ROR1: variants seen among roughly 807,000 people sequenced by gnomAD.
ROR1 encodes the protein ROR family WNT receptor 1.
ROR1 carries 19 observed loss-of-function variants against 78.8 expected under a neutral mutation model. The observed-to-expected ratio is 0.24, with a 90% CI of 0.17 to 0.35. ROR1 has a LOEUF of 0.35. ROR1 is among the 10% of genes least tolerant of loss of function. The pLI is 1.00. For missense variants in ROR1, 917 were observed against 1,177.8 expected (o/e 0.78, Z 3.24); for synonymous variants, 386 against 433.6 (o/e 0.89, Z 1.36).
intron 7 of ROR1, chr1:64,142,920 A>T: frequency 7.8e-7 from 1 of 1,285,122 alleles, no homozygotes; most frequent in South Asian, 1.9e-5. Context: ...GGCACAGTTG[A>T]GACAGTTTAT....
At chr1:63,880,899 G>A (rs1276397978) in intron 1 of ROR1, among the ~76,000 whole-genome samples, 1 of 152,072 alleles carries the variant, frequency 6.6e-6, no homozygotes, top group Non-Finnish European at 1.5e-5. Context: ...TATAGCACTA[G>A]GAATTCTTTA....
intron 4 of ROR1, among the ~76,000 whole-genome samples, chr1:64,072,969 A>G (rs955731698): frequency 2.1e-4 from 32 of 152,290 alleles, no homozygotes; most frequent in South Asian, 8.3e-4. Flanking sequence ...AGTTGTGATG[A>G]AAAAACAAGA....
intron 4 of ROR1, among the ~76,000 whole-genome samples, chr1:64,131,802 T>TTGGGAGGATTGCTTGAGGCCTGG (rs1648921397): frequency 6.6e-6 from 1 of 152,108 alleles, no homozygotes; most frequent in Non-Finnish European, 1.5e-5. Context: ...TTTAATTTTG[T>TTGGGAGGATTGCTTGAGGCCTGG]AGACACAGAG....
intron 4 of ROR1, among the ~76,000 whole-genome samples, chr1:64,117,167 G>A (rs969936878): frequency 6.6e-5 from 10 of 152,158 alleles, no homozygotes; most frequent in African/African-American, 2.2e-4. Context: ...GTTCAACTCA[G>A]AGGAAACTTA....
At chr1:64,032,848 TAAAC>T (rs1417308839) in intron 2 of ROR1, among the ~76,000 whole-genome samples, 1 of 152,136 alleles carries the variant, frequency 6.6e-6, no homozygotes, top group Non-Finnish European at 1.5e-5. Flanking sequence ...GGTAAGAAAA[TAAAC>T]AAGAGACTTT....
intron 7 of ROR1, among the ~76,000 whole-genome samples, chr1:64,152,788 A>T (rs983083695): frequency 1.3e-5 from 2 of 152,214 alleles, no homozygotes; most frequent in Non-Finnish European, 2.9e-5. Context: ...TTCAAGTTTG[A>T]TAAACATATC....
At chr1:64,048,414 G>T (rs1257090415) in intron 2 of ROR1, among the ~76,000 whole-genome samples, 1 of 152,174 alleles carries the variant, frequency 6.6e-6, no homozygotes, top group African/African-American at 2.4e-5. Flanking sequence ...ATGCAGTGAT[G>T]ACCAGAACAT....
In ROR1 at chr1:64,178,696, A is replaced by G; in HGVS notation, c.2655A>G (p.Leu885=). Residue 885 remains leucine, a synonymous_variant, in exon 9 of 9, where the codon CTA becomes CTG. Transcript: ENST00000371079. The surrounding 1 kb of genome is among the most constrained non-coding windows in gnomAD (Gnocchi z 4.3). ...ATCAGGAAGCAAATATTCCTTTACT[A>G]CCACACATGTCAATTCCAAATCATC... The part of the protein sequence containing the change: ...GSNQEANIPL[L]PHMSIPNHPG... The G allele has an allele frequency of 1.1e-5, 18 of 1,614,036 alleles. No individual in the cohort carries two copies. Among genetic ancestry groups the G allele is most frequent in the Non-Finnish European group, 1.5e-5 (18 of 1,180,024 alleles).
intron 1 of ROR1, among the ~76,000 whole-genome samples, chr1:63,803,813 G>T (rs1319803465): frequency 1.3e-5 from 2 of 152,102 alleles, no homozygotes; most frequent in Admixed American, 6.5e-5. Context: ...CCCTTCAGTG[G>T]GTGAATGGTT....
intron 4 of ROR1, among the ~76,000 whole-genome samples, chr1:64,100,960 T>C (rs988948474): frequency 6.6e-6 from 1 of 152,172 alleles, no homozygotes; most frequent in Non-Finnish European, 1.5e-5. Flanking sequence ...GCCAAGTTAC[T>C]TGGGAAAGCC....
At chr1:64,031,851 G>T (rs1217159247) in intron 2 of ROR1, among the ~76,000 whole-genome samples, 2 of 151,548 alleles carry the variant, frequency 1.3e-5, no homozygotes, top group Non-Finnish European at 2.9e-5. Context: ...GCTTTTGTGT[G>T]TGTGTGTTTG....
chr1:63,777,107 C>T (rs372917259), intron 1 of ROR1, among the ~76,000 whole-genome samples: 26 of 152,084 alleles, frequency 1.7e-4, no homozygotes, highest in African/African-American at 5.8e-4. Context: ...CTCATCTACC[C>T]CCTCCCTATG....
chr1:63,794,045 C>T (rs1644743393), intron 1 of ROR1, among the ~76,000 whole-genome samples: 1 of 152,204 alleles, frequency 6.6e-6, no homozygotes, highest in African/African-American at 2.4e-5. Context: ...AACCAGGAAG[C>T]ACAGGGTGAG....
intron 4 of ROR1, among the ~76,000 whole-genome samples, chr1:64,114,797 C>T (rs1163647757): frequency 1.3e-5 from 2 of 152,132 alleles, no homozygotes; most frequent in Non-Finnish European, 1.5e-5. Flanking sequence ...CTTATCTTGT[C>T]CCACCTCCTC....
chr1:64,058,820 G>C lies in ROR1; in HGVS notation c.482+8104G>C, dbSNP rs182854372. ...GCATTTCTTGTGATAGCTTTGTCTA[G>C]TTCTGATATAAGGGTAATATTGGCC... On this transcript the variant is annotated intron_variant, in intron 4 of 8. Coordinates refer to ENST00000371079, the MANE Select transcript of ROR1 (RefSeq NM_005012.4). Among the ~76,000 whole-genome samples the C allele has an allele frequency of 7.9e-5, 12 of 152,092 alleles. No individual in the cohort carries two copies. In the East Asian group the frequency reaches 2.3e-3, roughly 29 times the overall value.
At chr1:63,993,828 G>A (rs952718847) in intron 1 of ROR1, among the ~76,000 whole-genome samples, 2 of 152,146 alleles carry the variant, frequency 1.3e-5, no homozygotes, top group Non-Finnish European at 2.9e-5. Context: ...ATACTGCCAT[G>A]AAAATGTTGT....
chr1:63,843,188 G>C, intron 1 of ROR1: 1 of 1,330,334 alleles, frequency 7.5e-7, no homozygotes, highest in Non-Finnish European at 1.1e-6. Flanking sequence ...GGCCAGAACC[G>C]GCTCACAAAG....
At chr1:63,832,530 C>T (rs1381297312) in intron 1 of ROR1, among the ~76,000 whole-genome samples, 3 of 152,130 alleles carry the variant, frequency 2.0e-5, no homozygotes, top group South Asian at 2.1e-4. Context: ...AGAGCCAAAC[C>T]GTATCAACCA....
At chr1:63,831,404 A>G (rs1200449050) in intron 1 of ROR1, among the ~76,000 whole-genome samples, 1 of 152,190 alleles carries the variant, frequency 6.6e-6, no homozygotes, top group African/African-American at 2.4e-5. Context: ...AAGGCTTCTG[A>G]AGCTCAACTT....
Sources: gnomAD v4.1 joint callset for allele counts (sites outside exome capture counted in the v4.1 genomes callset) on GRCh38, gnomAD v4.1.1 for gene constraint, Gnocchi (gnomAD v3.1) non-coding constraint, MANE v1.5 for transcripts, NCBI Gene and HGNC (gene_info 2026-07-23, HGNC 2026-07-21) for gene names.